Variants in PLCH2 observed in about 807,000 individuals in gnomAD.
PLCH2 encodes phospholipase C eta 2.
A neutral mutation model predicts 134.7 loss-of-function variants in PLCH2; 98 were observed. That is an observed-to-expected ratio of 0.73 (90% CI 0.62 to 0.86). The LOEUF is 0.86. PLCH2 is among the 40% of genes least tolerant of loss of function. The probability of loss-of-function intolerance (pLI) is 0.00; values close to 1 mark genes in which losing one functional copy is unlikely to be tolerated. For synonymous variants in PLCH2, 974 were observed against 827.5 expected (o/e 1.18, Z -3.04); for missense variants, 1,994 against 1,986.6 (o/e 1.00, Z -0.07).
At position 2,496,707 on chromosome 1, in the gene PLCH2, G is replaced by A. The variant is rs1360500234; in HGVS notation, c.1933+3G>A. Reference sequence around the variant, plus strand: ...CACCCACGACATAGAGATGGAGGGTGAGTGGCTCGGGGACCTGGGGCCACG... The same window carrying A: ...CACCCACGACATAGAGATGGAGGGTAAGTGGCTCGGGGACCTGGGGCCACG... On this transcript the variant is annotated splice_donor_region_variant and intron_variant, in intron 14 of 21. Coordinates refer to ENST00000378486, the MANE Select transcript of PLCH2 (RefSeq NM_014638.4). 2.5e-6 allele frequency: 4 copies of A among 1,610,918 alleles called. No individual in the cohort carries two copies. Among genetic ancestry groups the A allele is most frequent in the Non-Finnish European group, 3.4e-6 (4 of 1,179,106 alleles).
At chr1:2,477,811 G>A (rs1251571375) in intron 1 of PLCH2, among the ~76,000 whole-genome samples, 1 of 152,210 alleles carries the variant, frequency 6.6e-6, no homozygotes, top group South Asian at 2.1e-4. Context: ...AGACATTCAT[G>A]GCACCATTCG....
rs1470740789 is a variant in PLCH2, at chr1:2,504,390, T to C, written c.3428T>C (p.Val1143Ala). 4 of 1,610,280 alleles carry C rather than the reference T, an allele frequency of 2.5e-6. No individual in the cohort carries two copies. The highest frequency in any genetic ancestry group is 3.4e-6 in the Non-Finnish European group (4 of 1,179,386). The change falls in exon 22 of 22, where the codon GTT becomes GCT. Residue 1143 changes from valine (V) to alanine (A), a missense_variant. Around this residue, in one of 2 missense-constraint regions of PLCH2, gnomAD observed 900 missense variants for 752.3 expected, o/e 1.20. Coordinates refer to ENST00000378486, the MANE Select transcript of PLCH2 (RefSeq NM_014638.4). ...RLEPCGHRDS[V>A]SSSSSMSSSD... is the part of the protein sequence containing the mutation. Reference sequence around the variant, plus strand: ...GAGCCATGTGGCCACCGAGACAGCGTTTCCTCCTCCTCCAGCATGTCATCC... The same window carrying C: ...GAGCCATGTGGCCACCGAGACAGCGCTTCCTCCTCCTCCAGCATGTCATCC...
chr1:2,429,094 G>A lies in PLCH2; in HGVS notation c.-177-1244G>A, dbSNP rs377097723. Among the ~76,000 whole-genome samples, 9 of 152,320 alleles carry A rather than the reference G, an allele frequency of 5.9e-5. No homozygotes were observed. The East Asian group carries it at 1.4e-3, about 23-fold the overall frequency. Reference sequence around the variant, plus strand: ...CCAGGGCCTGGGGTGTGCAGGGTGAGGGGACAGGTGGCCAAGGGGCCCTCC... The same window carrying A: ...CCAGGGCCTGGGGTGTGCAGGGTGAAGGGACAGGTGGCCAAGGGGCCCTCC... On this transcript the variant is annotated intron_variant, in intron 1 of 3. Transcript: ENST00000609981.
rs1557969543 is a variant in PLCH2, at chr1:2,459,429, TGGTCCTCCTTGCC to T, written c.116-19043_116-19031del. Among the ~76,000 whole-genome samples, 45 of 81,498 alleles carry T rather than the reference TGGTCCTCCTTGCC, an allele frequency of 5.5e-4. 10 individuals are homozygous for T. Among genetic ancestry groups the T allele is most frequent in the South Asian group, 2.8e-3 (5 of 1,804 alleles). 53.5% of individuals were successfully genotyped at this position (81,498 alleles called of 152,430 possible). A position where few individuals can be genotyped will look rare whatever the true frequency, so the allele number is the denominator to read the frequency against. On this transcript the variant is annotated intron_variant, in intron 2 of 3. Coordinates refer to the PLCH2 transcript ENST00000609981. Reference sequence around the variant, plus strand: ...CCTTCCTGGTGGTCCTCCTTGCCGGTGGTCCTCCTTGCCGGTGGTCCTCCTTCCTGGTGGTTCT... The same window carrying T: ...CCTTCCTGGTGGTCCTCCTTGCCGGTGGTGGTCCTCCTTCCTGGTGGTTCT...
chr1:2,485,307 C>A (rs973615258), intron 5 of PLCH2, among the ~76,000 whole-genome samples: 1 of 152,318 alleles, frequency 6.6e-6, no homozygotes, highest in Non-Finnish European at 1.5e-5. Context: ...GACTGGGTAC[C>A]GCATGCCCTG....
At chr1:2,473,212 G>A (rs1641422949), upstream of PLCH2, among the ~76,000 whole-genome samples, 1 of 152,240 alleles carries the variant, frequency 6.6e-6, no homozygotes, top group South Asian at 2.1e-4. Flanking sequence ...CTCTCACAGT[G>A]GGGAAACTGA....
rs1639820783 is a variant in PLCH2 at position 2,444,034 on chromosome 1, G to T, written c.115+13405G>T. On this transcript the variant is annotated intron_variant, in intron 2 of 3. Coordinates refer to the PLCH2 transcript ENST00000609981. This position sits in a 1 kb window ranked among gnomAD's most constrained non-coding sequence, Gnocchi z 4.6. ...GGGATGCGCGGGTGGACGCGCGGGG[G>T]CGCCGCAGCCCTGGTGCGGGTCGGG... Among the ~76,000 whole-genome samples the T allele has an allele frequency of 2.6e-5, 4 of 152,302 alleles. No homozygotes were observed. In the South Asian group the frequency reaches 8.3e-4, roughly 32 times the overall value.
intron 14 of PLCH2, 50 bp downstream of exon 14, chr1:2,496,754 C>T (rs550092430): frequency 6.2e-7 from 1 of 1,610,296 alleles, no homozygotes; most frequent in South Asian, 1.1e-5. Context: ...CCCTGTCCCC[C>T]ATCCCTGCTA....
chr1:2,437,866 A>G (rs1466271241), intron 2 of PLCH2, among the ~76,000 whole-genome samples: 1 of 151,792 alleles, frequency 6.6e-6, no homozygotes, highest in Admixed American at 6.6e-5. Context: ...CAGTACATGC[A>G]CCCACGCACG....
chr1:2,417,395 G>A, the PLCH2 span, among the ~76,000 whole-genome samples: 1 of 149,592 alleles, frequency 6.7e-6, no homozygotes, highest in African/African-American at 2.4e-5. Flanking sequence ...GGGTTGGGGG[G>A]CACTAAGGGT....
chr1:2,443,509 A>AG (rs896073631), intron 2 of PLCH2, among the ~76,000 whole-genome samples: 14 of 151,646 alleles, frequency 9.2e-5, no homozygotes, highest in Non-Finnish European at 5.9e-5. Context: ...AGGGAGGCGG[A>AG]GGGGGAGGTG....
intron 2 of PLCH2, among the ~76,000 whole-genome samples, chr1:2,437,812 T>C (rs976937285): frequency 6.6e-6 from 1 of 152,050 alleles, no homozygotes; most frequent in Admixed American, 6.6e-5. Context: ...CATGTGTACA[T>C]ACAACACATG....
chr1:2,484,747 G>C, intron 5 of PLCH2, 129 bp downstream of exon 5: 1 of 985,464 alleles, frequency 1.0e-6, no homozygotes, highest in Non-Finnish European at 1.5e-6. Flanking sequence ...CCAGGGATGG[G>C]CTACCTGGGC....
chr1:2,435,890 C>A (rs148934411), intron 2 of PLCH2, among the ~76,000 whole-genome samples: 21 of 152,046 alleles, frequency 1.4e-4, no homozygotes, highest in African/African-American at 5.1e-4. Context: ...CTTGGGCTCT[C>A]ATCATCTCTC....
chr1:2,469,708 G>A (rs1317075330), intron 1 of PLCH2, among the ~76,000 whole-genome samples: 2 of 152,224 alleles, frequency 1.3e-5, no homozygotes, highest in African/African-American at 4.8e-5. Flanking sequence ...CCGGGATTTT[G>A]CTCCCAGCAC....
intron 4 of PLCH2, 48 bp from the exon 5 acceptor site, chr1:2,484,400 C>A (rs752117905): frequency 6.3e-7 from 1 of 1,594,298 alleles, no homozygotes; most frequent in Admixed American, 1.7e-5. Flanking sequence ...CCTGTGCATG[C>A]AGGCCCTGGT....
At chr1:2,425,239 CAT>C (rs200839223), upstream of PLCH2, among the ~76,000 whole-genome samples, 1,798 of 143,704 alleles carry the variant, frequency 0.013, 40 homozygotes, top group African/African-American at 0.051. Flanking sequence ...TTTACACACA[CAT>C]ATGTAACACA....
Position 2,461,311 on chromosome 1 carries a change from C to T in PLCH2, c.116-17165C>T, listed in dbSNP as rs1402622821. ...GCAGCCCGGGGCTGGACACCTGACCCACCGACCTTGGCCAGGGCCCTTCTG... is the reference window on the plus strand; with the variant it reads ...GCAGCCCGGGGCTGGACACCTGACCTACCGACCTTGGCCAGGGCCCTTCTG... On this transcript the variant is annotated intron_variant, in intron 2 of 3. Transcript: ENST00000609981. 3.3e-5 allele frequency among the ~76,000 whole-genome samples: 5 copies of T among 152,212 alleles called. No individual in the cohort carries two copies. The East Asian group carries it at 9.6e-4, about 29-fold the overall frequency.
At chr1:2,494,724 C>CCCCCA in intron 11 of PLCH2, 132 bp from the exon 12 acceptor site, 1 of 597,628 alleles carries the variant, frequency 1.7e-6, no homozygotes. Context: ...CCCCTCCCGT[C>CCCCCA]TGCCTTACTC....
Sources: allele counts gnomAD v4.1 joint callset (sites outside exome capture counted in the v4.1 genomes callset), GRCh38; gene constraint gnomAD v4.1.1; regional missense constraint gnomAD v4.1.1; non-coding constraint Gnocchi (gnomAD v3.1); transcripts MANE v1.5; gene names NCBI Gene and HGNC (gene_info 2026-07-23, HGNC 2026-07-21).